The following ERICH3 variants were observed in gnomAD, a reference collection of about 807,000 sequenced individuals.
ERICH3 encodes glutamate rich 3.
A neutral mutation model predicts 131.1 loss-of-function variants in ERICH3; 126 were observed. That is an observed-to-expected ratio of 0.96 (90% CI 0.83 to 1.11). The LOEUF (loss-of-function observed/expected upper bound fraction) is 1.11. Ranked by LOEUF, ERICH3 falls within the 50% of genes most tolerant of loss-of-function variation. The pLI is 0.00. For synonymous variants in ERICH3, 695 were observed against 644.6 expected (o/e 1.08, Z -1.18); for missense variants, 2,050 against 1,810.7 (o/e 1.13, Z -2.40).
rs1648748925 is a variant in ERICH3, at chr1:74,612,605, G to C, written c.1187+18C>G. On this transcript the variant is annotated intron_variant, in intron 9 of 14. Coordinates refer to ENST00000326665, the MANE Select transcript of ERICH3 (RefSeq NM_001002912.5). Reference sequence around the variant, plus strand: ...GTAGCAAAACTTGCCCTCTACCAAAGGACATTTGTTTCCATACTTGTAGCA... The same window carrying C: ...GTAGCAAAACTTGCCCTCTACCAAACGACATTTGTTTCCATACTTGTAGCA... 6.5e-7 allele frequency: 1 copy of C among 1,528,244 alleles called. No individual in the cohort carries two copies. The highest frequency in any genetic ancestry group is 2.3e-5 in the East Asian group (1 of 43,530). The allele number at this position is 1,528,244 out of a possible 1,614,324, so 94.7% of individuals were successfully genotyped here.
At chr1:74,641,493 A>G in intron 4 of ERICH3, 34 bp from the exon 5 acceptor site, 2 of 1,600,362 alleles carry the variant, frequency 1.2e-6, no homozygotes, top group African/African-American at 1.3e-5. Context: ...AAATAGATGC[A>G]TAGTTAGTAA....
intron 1 of ERICH3, among the ~76,000 whole-genome samples, chr1:74,666,544 G>T (rs1308062428): frequency 6.6e-6 from 1 of 152,134 alleles, no homozygotes; most frequent in Non-Finnish European, 1.5e-5. Context: ...GCTCTCAGGT[G>T]AATTACTTTA....
At chr1:74,581,045 G>C (rs547061217) in intron 12 of ERICH3, among the ~76,000 whole-genome samples, 42 of 152,056 alleles carry the variant, frequency 2.8e-4, no homozygotes, top group African/African-American at 7.7e-4. Flanking sequence ...CTGTATAGTC[G>C]TATGTTATTT....
chr1:74,626,860 C>G (rs949353876), intron 7 of ERICH3, among the ~76,000 whole-genome samples: 2 of 152,146 alleles, frequency 1.3e-5, no homozygotes, highest in African/African-American at 4.8e-5. Flanking sequence ...TGATCATCCC[C>G]AGAGACATGA....
rs1295905872 is a variant in ERICH3, at chr1:74,661,118, T to A, written c.24-11803A>T. Among the ~76,000 whole-genome samples the A allele has an allele frequency of 2.0e-5, 3 of 152,080 alleles. No homozygotes were observed. In the East Asian group the frequency reaches 5.8e-4, roughly 29 times the overall value. On this transcript the variant is annotated intron_variant, in intron 1 of 14. Transcript: ENST00000326665. ...AATATAATCAACCATGTTAAAAACCTCCTAAGTGCCCTAAAATGTAATTCT... is the reference window on the plus strand; with the variant it reads ...AATATAATCAACCATGTTAAAAACCACCTAAGTGCCCTAAAATGTAATTCT...
At chr1:74,589,453 G>T in intron 12 of ERICH3, 178 bp downstream of exon 12, 1 of 664,330 alleles carries the variant, frequency 1.5e-6, no homozygotes, top group Non-Finnish European at 2.6e-6. Context: ...GCAAGAGAAG[G>T]CAAACAGCAA....
chr1:74,657,591 C>A (rs1032819180), intron 1 of ERICH3, among the ~76,000 whole-genome samples: 3 of 152,118 alleles, frequency 2.0e-5, no homozygotes, highest in African/African-American at 4.8e-5. Context: ...CTTATTCTAA[C>A]AATGAAGCCA....
chr1:74,659,920 A>C (rs916293119), intron 1 of ERICH3, among the ~76,000 whole-genome samples: 1 of 152,140 alleles, frequency 6.6e-6, no homozygotes, highest in Non-Finnish European at 1.5e-5. Context: ...AGAGAGAGAG[A>C]TCACAAGTTT....
At chr1:74,594,221 G>A (rs1158066144) in intron 11 of ERICH3, among the ~76,000 whole-genome samples, 1 of 151,740 alleles carries the variant, frequency 6.6e-6, no homozygotes, top group Non-Finnish European at 1.5e-5. Flanking sequence ...ATGTTATTCA[G>A]TTATTTACCA....
chr1:74,586,376 C>T, intron 12 of ERICH3: 1 of 968,190 alleles, frequency 1.0e-6, no homozygotes. Context: ...CTATACCTAT[C>T]TACCTACCTA....
chr1:74,648,931 G>A (rs1314627328), intron 2 of ERICH3, among the ~76,000 whole-genome samples: 2 of 152,056 alleles, frequency 1.3e-5, no homozygotes, highest in Non-Finnish European at 2.9e-5. Flanking sequence ...CATACAATGT[G>A]TTCAATAAAT....
intron 8 of ERICH3, among the ~76,000 whole-genome samples, chr1:74,618,567 G>C (rs1368152985): frequency 6.6e-6 from 1 of 152,130 alleles, no homozygotes; most frequent in Non-Finnish European, 1.5e-5. Flanking sequence ...AGGAAGCCAT[G>C]GTTTGTGTTG....
At chr1:74,580,391 C>T (rs1243090246) in intron 12 of ERICH3, among the ~76,000 whole-genome samples, 1 of 152,116 alleles carries the variant, frequency 6.6e-6, no homozygotes, top group Admixed American at 6.5e-5. Context: ...CTATTTTAAA[C>T]ACTACTTATA....
At position 74,656,150 on chromosome 1, in the gene ERICH3, C is replaced by T. The variant is rs539398051; in HGVS notation, c.24-6835G>A. Among the ~76,000 whole-genome samples the T allele has an allele frequency of 1.8e-4, 27 of 152,222 alleles. 1 individual carries two copies. Among genetic ancestry groups the T allele is most frequent in the Admixed American group, 1.0e-3 (16 of 15,278 alleles). On this transcript the variant is annotated intron_variant, in intron 1 of 14. Transcript: ENST00000326665. ...TGGGTTTCCTAGAAAGAAACTGGCC[C>T]GGGCTGTGAACCAAATTTCCTAAAA...
Position 74,621,027 on chromosome 1 carries a change from A to C in ERICH3, c.820-113T>G, listed in dbSNP as rs1649198500. Reference sequence around the variant, plus strand: ...GGTTATTTTTAAGTACCTACCAACAAAATCTAAATAAAGTGTCAATTTACA... The same window carrying C: ...GGTTATTTTTAAGTACCTACCAACACAATCTAAATAAAGTGTCAATTTACA... On this transcript the variant is annotated intron_variant, in intron 7 of 14. Transcript: ENST00000326665. 3 of 819,344 alleles carry C rather than the reference A, an allele frequency of 3.7e-6. No homozygotes were observed. In the South Asian group the frequency reaches 9.8e-5, roughly 27 times the overall value. 50.8% of individuals were successfully genotyped at this position (819,344 alleles called of 1,614,324 possible).
rs762158942 is a variant in ERICH3, at chr1:74,641,326, C to A, written c.444+5G>T. On this transcript the variant is annotated splice_donor_5th_base_variant and intron_variant, in intron 5 of 14. Transcript: ENST00000326665. ...CTGCATGACGAAGTGTTTAATATTA[C>A]TCACCAGTGCTAACGGACTGGAATG... 4 of 1,611,252 alleles carry A rather than the reference C, an allele frequency of 2.5e-6. No individual in the cohort carries two copies. In the East Asian group the frequency reaches 6.7e-5, roughly 27 times the overall value.
intron 6 of ERICH3, among the ~76,000 whole-genome samples, chr1:74,632,273 T>G (rs1359963223): frequency 6.6e-6 from 1 of 152,040 alleles, no homozygotes; most frequent in Non-Finnish European, 1.5e-5. Context: ...TTAGTCCAGT[T>G]AGCAATAGGA....
intron 11 of ERICH3, among the ~76,000 whole-genome samples, chr1:74,597,406 C>T (rs1306586928): frequency 6.6e-6 from 1 of 151,966 alleles, no homozygotes; most frequent in Non-Finnish European, 1.5e-5. Context: ...AAAAGCATAG[C>T]TTAATAACAT....
chr1:74,653,896 A>C (rs997087279), intron 1 of ERICH3, among the ~76,000 whole-genome samples: 3 of 152,142 alleles, frequency 2.0e-5, no homozygotes, highest in African/African-American at 7.2e-5. Flanking sequence ...GCTTCAGTTC[A>C]ATTCTGGCTC....
Sources: allele counts gnomAD v4.1 joint callset (sites outside exome capture counted in the v4.1 genomes callset), GRCh38; gene constraint gnomAD v4.1.1; transcripts MANE v1.5; gene names NCBI Gene and HGNC (gene_info 2026-07-23, HGNC 2026-07-21).